The following KIR2DL3 variants were observed in gnomAD, a reference collection of about 807,000 sequenced individuals.
KIR2DL3 encodes the protein killer cell immunoglobulin like receptor, two Ig domains and long cytoplasmic tail 3.
KIR2DL3 carries 39 observed loss-of-function variants against 33.8 expected under a neutral mutation model. The ratio of observed to expected loss-of-function variants is 1.15; its 90% confidence interval spans 0.89 to 1.51. The LOEUF is 1.51. Ranked by LOEUF, KIR2DL3 falls within the 40% of genes most tolerant of loss-of-function variation. The pLI is 0.00. For synonymous variants in KIR2DL3, 174 were observed against 160.2 expected (o/e 1.09, Z -0.65); for missense variants, 462 against 426.2 (o/e 1.08, Z -0.74).
intron 4 of KIR2DL3, among the ~76,000 whole-genome samples, chr19:54,744,934 ATATATATATATATATATATATTT>A (rs1721971592): frequency 4.1e-5 from 1 of 24,636 alleles, no homozygotes; most frequent in Non-Finnish European, 8.5e-5. Context: ...ATATATATAT[ATATATATATATATATATATATTT>A]TTTTTTTTTT....
Position 54,751,541 on chromosome 19 carries a change from T to G in KIR2DL3, c.716-108T>G, listed in dbSNP as rs1218111101. The G allele has an allele frequency of 5.2e-6, 5 of 957,284 alleles. 1 individual carries two copies. Among genetic ancestry groups the G allele is most frequent in the Non-Finnish European group, 7.9e-6 (5 of 634,482 alleles). The allele number at this position is 957,284 out of a possible 1,614,324, so 59.3% of individuals were successfully genotyped here. A position where few individuals can be genotyped will look rare whatever the true frequency, so the allele number is the denominator to read the frequency against. ...GGGTCTCCCTCCATCTGGGTGCTTG[T>G]CCTAAAGGGGTGTTGTATGTGGTTA... On this transcript the variant is annotated intron_variant, in intron 5 of 7. Coordinates refer to ENST00000342376, the MANE Select transcript of KIR2DL3 (RefSeq NM_015868.3).
In KIR2DL3 at chr19:54,752,429, A is replaced by T; in HGVS notation, c.936A>T (p.Thr312=). 6.8e-7 allele frequency: 1 copy of T among 1,467,428 alleles called. No homozygotes were observed. Among genetic ancestry groups the T allele is most frequent in the Non-Finnish European group, 9.3e-7 (1 of 1,078,496 alleles). 90.9% of individuals were successfully genotyped at this position (1,467,428 alleles called of 1,614,324 possible). ...TYAQLNHCVF[T]QRKITRPSQR... ...CACAGTTGAATCACTGCGTTTTCAC[A>T]CAGAGAAAAATCACTCGCCCTTCTC... Residue 312 remains threonine, a synonymous_variant, in exon 8 of 8, where the codon ACA becomes ACT. Transcript: ENST00000342376.
At chr19:54,744,954 ATTTTTTTTTTTTTTT>A (rs71195797) in intron 4 of KIR2DL3, among the ~76,000 whole-genome samples, 6 of 31,274 alleles carry the variant, frequency 1.9e-4, no homozygotes, top group African/African-American at 6.8e-4. Flanking sequence ...ATATATATAT[ATTTTTTTTTTTTTTT>A]TTTTTTTTAC....
At chr19:54,739,458 G>A in intron 1 of KIR2DL3, 49 bp from the exon 2 acceptor site, 1 of 1,613,250 alleles carries the variant, frequency 6.2e-7, no homozygotes, top group South Asian at 1.1e-5. Flanking sequence ...CAGCAAGGGA[G>A]GCCTGGTTTG....
rs143294533 is a variant in KIR2DL3, at chr19:54,746,588, T to G, written c.665-747T>G. On this transcript the variant is annotated intron_variant, in intron 4 of 7. Transcript: ENST00000342376. Reference sequence around the variant, plus strand: ...TTTTGTGTATAGTGACAGGTAGAGGTGCAGTTTCATTCCTCTGCATGTAGA... The same window carrying G: ...TTTTGTGTATAGTGACAGGTAGAGGGGCAGTTTCATTCCTCTGCATGTAGA... 1.7e-3 allele frequency among the ~76,000 whole-genome samples: 250 copies of G among 148,164 alleles called. 1 individual carries two copies. The highest frequency in any genetic ancestry group is 5.8e-3 in the African/African-American group (237 of 40,670).
At chr19:54,739,651 C>A in intron 2 of KIR2DL3, 109 bp downstream of exon 2, 1 of 1,575,482 alleles carries the variant, frequency 6.3e-7, no homozygotes, top group Non-Finnish European at 8.7e-7. Flanking sequence ...GAAGAGAGGA[C>A]CCTGGGGTGC....
At chr19:54,748,646 G>A (rs1350026315) in intron 5 of KIR2DL3, among the ~76,000 whole-genome samples, 1 of 146,940 alleles carries the variant, frequency 6.8e-6, no homozygotes, top group East Asian at 1.9e-4. Context: ...TATTGAGACA[G>A]AGTCGCCCTC....
At chr19:54,746,968 C>G (rs566113263) in intron 4 of KIR2DL3, among the ~76,000 whole-genome samples, 2 of 145,206 alleles carry the variant, frequency 1.4e-5, no homozygotes, top group African/African-American at 5.1e-5. Flanking sequence ...GGTGACAGAG[C>G]GAGACTCCAT....
chr19:54,747,203 A>T, intron 4 of KIR2DL3, 132 bp from the exon 5 acceptor site: 1 of 1,097,832 alleles, frequency 9.1e-7, no homozygotes, highest in Non-Finnish European at 1.4e-6. Context: ...AATTACGGAA[A>T]AAAGGATCCC....
At chr19:54,744,870 T>TTATATATATATA (rs1185648350) in intron 4 of KIR2DL3, among the ~76,000 whole-genome samples, 801 of 78,236 alleles carry the variant, frequency 0.01, 17 homozygotes, top group Non-Finnish European at 0.016. Context: ...ATAAATACAT[T>TTATATATATATA]TATATATATA....
chr19:54,741,792 G>A (rs76973050), intron 2 of KIR2DL3, among the ~76,000 whole-genome samples, 188 bp from the exon 3 acceptor site: 9,124 of 151,734 alleles, frequency 0.06, 369 homozygotes, highest in African/African-American at 0.12. Flanking sequence ...GAGACAGAGG[G>A]ACAGAGAAGA....
intron 4 of KIR2DL3, among the ~76,000 whole-genome samples, chr19:54,745,666 T>C (rs1181510805): frequency 2.2e-4 from 34 of 151,738 alleles, no homozygotes; most frequent in Admixed American, 2.2e-3. Context: ...ACCCAACCTC[T>C]TTTTAGTTCT....
chr19:54,739,508 G>C lies in KIR2DL3; in HGVS notation c.36G>C (p.Gly12=), dbSNP rs568346974. 8.5e-4 allele frequency: 1,377 copies of C among 1,613,942 alleles called. 3 individuals carry two copies. In the African/African-American group the frequency reaches 0.017, roughly 19 times the overall value. The change falls in exon 2 of 8, where the codon GGG becomes GGC. Residue 12 remains glycine (G), a splice_region_variant and synonymous_variant. Coordinates refer to ENST00000342376, the MANE Select transcript of KIR2DL3 (RefSeq NM_015868.3). ...GTCCATCATGATCTTTCTTTCCAGG[G>C]TTCTTCTTGCTGCAGGGGGCCTGGC... ...SLMVVSMVCV[G]FFLLQGAWPH...
intron 5 of KIR2DL3, among the ~76,000 whole-genome samples, chr19:54,748,709 T>C (rs1342710569): frequency 2.8e-5 from 4 of 141,990 alleles, no homozygotes; most frequent in African/African-American, 2.6e-5. Flanking sequence ...GCAACCTGCG[T>C]CTCCTGGATT....
At chr19:54,750,441 G>C (rs368974151) in intron 5 of KIR2DL3, among the ~76,000 whole-genome samples, 1 of 140,304 alleles carries the variant, frequency 7.1e-6, no homozygotes, top group Non-Finnish European at 1.6e-5. Context: ...AGAGTAGCAC[G>C]TTTCACACGG....
At chr19:54,739,195 C>T (rs371849401) in intron 1 of KIR2DL3, among the ~76,000 whole-genome samples, 1 of 149,616 alleles carries the variant, frequency 6.7e-6, no homozygotes, top group African/African-American at 2.5e-5. Context: ...AGATCTGGGC[C>T]TGGGGCGGAG....
At chr19:54,744,892 A>ATATATGTATG (rs1555906338) in intron 4 of KIR2DL3, among the ~76,000 whole-genome samples, 3 of 71,350 alleles carry the variant, frequency 4.2e-5, no homozygotes, top group East Asian at 5.5e-4. Context: ...ATATATATAT[A>ATATATGTATG]TATATACACA....
chr19:54,751,375 C>G (rs554561338), intron 5 of KIR2DL3, among the ~76,000 whole-genome samples: 1,386 of 131,250 alleles, frequency 0.011, 246 homozygotes, highest in African/African-American at 0.028. Flanking sequence ...AAACACCTCT[C>G]AAGAGGCCCA....
Position 54,739,474 on chromosome 19 carries a change from A to G in KIR2DL3, c.35-33A>G, listed in dbSNP as rs773073538. 4 of 1,613,814 alleles carry G rather than the reference A, an allele frequency of 2.5e-6. No homozygotes were observed. In the South Asian group the frequency reaches 3.3e-5, roughly 13 times the overall value. ...AGCAAGGGAGGCCTGGTTTGCCTGC[A>G]GATGGATGGTCCATCATGATCTTTC... is the stretch of plus-strand genomic sequence containing the variant. On this transcript the variant is annotated intron_variant, in intron 1 of 7. Transcript: ENST00000342376.
Sources: gnomAD v4.1 joint callset for allele counts (sites outside exome capture counted in the v4.1 genomes callset) on GRCh38, gnomAD v4.1.1 for gene constraint, MANE v1.5 for transcripts, NCBI Gene and HGNC (gene_info 2026-07-23, HGNC 2026-07-21) for gene names.